NETO1: variants seen among roughly 807,000 people sequenced by gnomAD.
NETO1 encodes the protein neuropilin and tolloid-like protein 1.
NETO1 carries 26 observed loss-of-function variants against 61.3 expected under a neutral mutation model. The ratio of observed to expected loss-of-function variants is 0.42; its 90% CI spans 0.31 to 0.59. The LOEUF is 0.59. Among genes scored for constraint, NETO1 ranks in the 20% least tolerant of loss-of-function variants. The pLI is 0.12. For synonymous variants in NETO1, 225 were observed against 225.8 expected (o/e 1.00, Z 0.03); for missense variants, 531 against 662.8 (o/e 0.80, Z 2.18).
downstream of NETO1, among the ~76,000 whole-genome samples, chr18:72,743,133 G>A (rs1182191153): frequency 6.6e-6 from 1 of 152,120 alleles, no homozygotes; most frequent in Non-Finnish European, 1.5e-5. Context: ...CTTGAATAAA[G>A]TGTAAATTCC....
At chr18:72,780,880 A>G (rs532418750) in intron 7 of NETO1, among the ~76,000 whole-genome samples, 1 of 152,196 alleles carries the variant, frequency 6.6e-6, no homozygotes, top group Non-Finnish European at 1.5e-5. Flanking sequence ...CACTAATAAG[A>G]GTCAGGAAAG....
At chr18:72,743,545 T>A (rs997718260), downstream of NETO1, among the ~76,000 whole-genome samples, 1 of 152,154 alleles carries the variant, frequency 6.6e-6, no homozygotes, top group East Asian at 1.9e-4. Flanking sequence ...ACACAGCACA[T>A]AATGTTGGGC....
intron 4 of NETO1, among the ~76,000 whole-genome samples, chr18:72,808,930 G>T (rs1374309772): frequency 6.6e-6 from 1 of 152,248 alleles, no homozygotes; most frequent in Non-Finnish European, 1.5e-5. Context: ...CTTGCCAGGA[G>T]CCTGGCACGG....
intron 4 of NETO1, among the ~76,000 whole-genome samples, chr18:72,839,104 A>G (rs1043583863): frequency 5.9e-5 from 9 of 152,322 alleles, no homozygotes; most frequent in Non-Finnish European, 1.0e-4. Flanking sequence ...CTTAATGTCA[A>G]AAGAAAGTTA....
intron 3 of NETO1, among the ~76,000 whole-genome samples, chr18:72,861,471 C>T (rs935840215): frequency 6.6e-6 from 1 of 152,156 alleles, no homozygotes; most frequent in Non-Finnish European, 1.5e-5. Context: ...TCACAGCTGC[C>T]CTTCCTTTTA....
chr18:72,821,081 T>C (rs1313768074), intron 4 of NETO1, among the ~76,000 whole-genome samples: 2 of 152,054 alleles, frequency 1.3e-5, no homozygotes, highest in African/African-American at 4.8e-5. Flanking sequence ...GTATCTCTTC[T>C]GCCCATCTCT....
chr18:72,798,547 T>C (rs2072395726), intron 4 of NETO1, among the ~76,000 whole-genome samples: 1 of 152,126 alleles, frequency 6.6e-6, no homozygotes, highest in Admixed American at 6.6e-5. Flanking sequence ...CTGCATGTGG[T>C]GGCAGGCTTT....
intron 4 of NETO1, among the ~76,000 whole-genome samples, chr18:72,831,029 AC>A (rs1205193340): frequency 2.0e-5 from 3 of 151,364 alleles, no homozygotes; most frequent in African/African-American, 4.9e-5. Context: ...GGTTTTCAAG[AC>A]CCCCTTACCC....
intron 4 of NETO1, among the ~76,000 whole-genome samples, chr18:72,852,391 A>G (rs1568262708): frequency 1.3e-5 from 2 of 151,962 alleles, no homozygotes; most frequent in Non-Finnish European, 2.9e-5. Flanking sequence ...ATTTTTCTGT[A>G]TTTTTAGTAG....
At chr18:72,795,173 G>A (rs1389491604) in intron 4 of NETO1, among the ~76,000 whole-genome samples, 2 of 152,148 alleles carry the variant, frequency 1.3e-5, no homozygotes, top group Non-Finnish European at 2.9e-5. Flanking sequence ...CAAAGTGGGG[G>A]TCTCGTTCTT....
intron 4 of NETO1, among the ~76,000 whole-genome samples, chr18:72,825,168 A>T (rs1378161312): frequency 6.6e-6 from 1 of 152,212 alleles, no homozygotes; most frequent in Non-Finnish European, 1.5e-5. Flanking sequence ...CTTCGTAAAG[A>T]AAAACAATCT....
intron 4 of NETO1, among the ~76,000 whole-genome samples, chr18:72,845,895 T>C (rs139241495): frequency 1.6e-3 from 245 of 152,282 alleles, no homozygotes; most frequent in African/African-American, 5.3e-3. Context: ...ATATACATTG[T>C]TGTTAGAATA....
chr18:72,850,836 C>T (rs954700265), intron 4 of NETO1, among the ~76,000 whole-genome samples: 6 of 152,038 alleles, frequency 3.9e-5, no homozygotes, highest in Non-Finnish European at 5.9e-5. Flanking sequence ...TGATGGGATT[C>T]GACATAGAGG....
chr18:72,857,111 T>C (rs747907951), intron 4 of NETO1, among the ~76,000 whole-genome samples: 1 of 152,226 alleles, frequency 6.6e-6, no homozygotes, highest in Non-Finnish European at 1.5e-5. Context: ...CTCCTTTTTA[T>C]GGTCCTAGCT....
At chr18:72,757,215 A>G (rs1179516351) in intron 7 of NETO1, among the ~76,000 whole-genome samples, 19 of 152,178 alleles carry the variant, frequency 1.2e-4, no homozygotes, top group Admixed American at 1.2e-3. Flanking sequence ...GATCAGTACT[A>G]TTTAGACACT....
chr18:72,779,770 CGTCTGA>C (rs1021483132), intron 7 of NETO1, among the ~76,000 whole-genome samples: 10 of 152,172 alleles, frequency 6.6e-5, no homozygotes, highest in African/African-American at 1.2e-4. Flanking sequence ...ACACAGGCAT[CGTCTGA>C]GTCTGTTTGG....
intron 4 of NETO1, chr18:72,834,489 A>G (rs925781655): frequency 5.2e-5 from 51 of 975,386 alleles, no homozygotes; most frequent in Non-Finnish European, 6.1e-5. Context: ...AAATTATGTG[A>G]CACTTAAGAA....
chr18:72,760,962 G>A (rs1357249246), intron 7 of NETO1, among the ~76,000 whole-genome samples: 2 of 152,084 alleles, frequency 1.3e-5, no homozygotes, highest in African/African-American at 4.8e-5. Context: ...AACAGATACT[G>A]TCATATGGTG....
At chr18:72,798,752 T>C in intron 4 of NETO1, among the ~76,000 whole-genome samples, 1 of 152,060 alleles carries the variant, frequency 6.6e-6, no homozygotes, top group East Asian at 1.9e-4. Flanking sequence ...AAAGACCCAA[T>C]GATGAGACAG....
Sources: allele counts gnomAD v4.1 joint callset (sites outside exome capture counted in the v4.1 genomes callset), GRCh38; gene constraint gnomAD v4.1.1; transcripts MANE v1.5; gene names NCBI Gene and HGNC (gene_info 2026-07-23, HGNC 2026-07-21).